KIAA1549L: variants seen among roughly 807,000 people sequenced by gnomAD.
KIAA1549L encodes the protein UPF0606 protein KIAA1549L.
KIAA1549L carries 88 observed loss-of-function variants against 160.7 expected under a neutral mutation model. The observed-to-expected ratio is 0.55, with a 90% confidence interval of 0.46 to 0.65. The LOEUF (loss-of-function observed/expected upper bound fraction) is 0.65. Among genes scored for constraint, KIAA1549L ranks in the 30% least tolerant of loss-of-function variants. KIAA1549L has a pLI of 0.00. For synonymous variants in KIAA1549L, 950 were observed against 976.7 expected, an observed-to-expected ratio of 0.97 and a Z score of 0.51; for missense variants, 2,258 against 2,437.5, an observed-to-expected ratio of 0.93 and a Z score of 1.55.
intron 1 of KIAA1549L, among the ~76,000 whole-genome samples, chr11:33,495,006 C>T (rs1384846015): frequency 6.6e-6 from 1 of 152,176 alleles, no homozygotes; most frequent in African/African-American, 2.4e-5. Flanking sequence ...ACAAGATTCA[C>T]ACACGTCTAG....
intron 16 of KIAA1549L, among the ~76,000 whole-genome samples, chr11:33,635,790 T>C (rs1355326143): frequency 1.3e-5 from 2 of 152,232 alleles, no homozygotes; most frequent in Non-Finnish European, 2.9e-5. Flanking sequence ...AACACTCATT[T>C]ATTCAGTGAG....
At chr11:33,554,428 A>G (rs770712110) in intron 6 of KIAA1549L, among the ~76,000 whole-genome samples, 1 of 152,236 alleles carries the variant, frequency 6.6e-6, no homozygotes, top group Admixed American at 6.5e-5. Flanking sequence ...TGATTGGCTC[A>G]TGTAACTGAA....
intron 11 of KIAA1549L, among the ~76,000 whole-genome samples, chr11:33,586,176 C>T (rs1475336962): frequency 1.3e-5 from 2 of 152,228 alleles, no homozygotes; most frequent in Non-Finnish European, 2.9e-5. Context: ...CACCGCCAAG[C>T]CTTAGACTAG....
intron 13 of KIAA1549L, among the ~76,000 whole-genome samples, chr11:33,601,268 T>G (rs1466140683): frequency 6.6e-6 from 1 of 152,180 alleles, no homozygotes; most frequent in Non-Finnish European, 1.5e-5. Flanking sequence ...CCGTAAGGTT[T>G]TAGGTTTGAA....
At chr11:33,464,534 A>C (rs557103114) in intron 1 of KIAA1549L, among the ~76,000 whole-genome samples, 2,234 of 124,228 alleles carry the variant, frequency 0.018, 67 homozygotes, top group African/African-American at 0.059. Context: ...GCCCCCCCCC[A>C]CACACGCATT....
intron 1 of KIAA1549L, among the ~76,000 whole-genome samples, chr11:33,420,438 G>T (rs994389359): frequency 6.6e-6 from 1 of 151,950 alleles, no homozygotes; most frequent in Non-Finnish European, 1.5e-5. Flanking sequence ...TATTGTTCAG[G>T]CTGGTCTTGA....
Position 33,544,264 on chromosome 11 carries a change from A to T in KIAA1549L, c.2701A>T (p.Ile901Leu). ...LGYHSAAESS[I>L]STSVFPRTSS... ...ATATCACTCTGCTGCTGAATCTTCT[A>T]TATCGACCAGTGTCTTTCCCAGGAC... Residue 901 changes from isoleucine to leucine, a missense_variant, in exon 2 of 21, where the codon ATA becomes TTA. Transcript: ENST00000658780. The T allele has an allele frequency of 6.2e-7, 1 of 1,613,964 alleles. No homozygotes were observed. Among genetic ancestry groups the T allele is most frequent in the Non-Finnish European group, 8.5e-7 (1 of 1,179,878 alleles).
At chr11:33,631,507 C>G (rs1251035758) in intron 16 of KIAA1549L, among the ~76,000 whole-genome samples, 1 of 152,168 alleles carries the variant, frequency 6.6e-6, no homozygotes, top group Non-Finnish European at 1.5e-5. Flanking sequence ...GGGTTTTTAG[C>G]AGCATCCGTG....
Position 33,551,235 on chromosome 11 carries a change from G to C in KIAA1549L, c.3697G>C (p.Ala1233Pro). ...TGCCTCCCCATGGAATCCCCAGCCT[G>C]CAGGCTACTTCCAGCTAAAAACAGG... ...VLASPWNPQP[A>P]GYFQLKTVLQ... The change falls in exon 5 of 21, where the codon GCA becomes CCA. Residue 1233 changes from alanine (A) to proline (P), a missense_variant. Physicochemically the swap from Ala to Pro is conservative, Grantham distance 27. Coordinates refer to ENST00000658780, the MANE Select transcript of KIAA1549L (RefSeq NM_012194.3). 1 of 1,613,342 alleles carries C rather than the reference G, an allele frequency of 6.2e-7. No homozygotes were observed. Among genetic ancestry groups the C allele is most frequent in the Non-Finnish European group, 8.5e-7 (1 of 1,179,830 alleles).
At chr11:33,627,508 T>A (rs1851151284) in intron 16 of KIAA1549L, among the ~76,000 whole-genome samples, 1 of 152,106 alleles carries the variant, frequency 6.6e-6, no homozygotes, top group Non-Finnish European at 1.5e-5. Context: ...GTCGAGGAAT[T>A]TATCCATTTC....
At chr11:33,547,468 G>A (rs943076044) in intron 3 of KIAA1549L, among the ~76,000 whole-genome samples, 8 of 152,158 alleles carry the variant, frequency 5.3e-5, no homozygotes, top group Non-Finnish European at 1.0e-4. Flanking sequence ...GAATCTCATC[G>A]CATGCACTGT....
chr11:33,444,265 A>G (rs910354528), intron 1 of KIAA1549L, among the ~76,000 whole-genome samples: 1 of 152,240 alleles, frequency 6.6e-6, no homozygotes, highest in Non-Finnish European at 1.5e-5. Flanking sequence ...AAACAATCCA[A>G]TTGAACATCC....
In KIAA1549L at chr11:33,551,184, C is replaced by T. The variant is rs756609051; in HGVS notation, c.3646C>T (p.Pro1216Ser). The stretch of plus-strand genomic sequence containing the variant: ...CACTGCAGACCTGAAGCAACACACC[C>T]CACACTTACAGTCTGTGGCAGTACT... ...NVTADLKQHT[P>S]HLQSVAVLAS... The change falls in exon 5 of 21, where the codon CCA becomes TCA. Residue 1216 changes from proline to serine, a missense_variant. Pro to Ser is a moderately conservative substitution (Grantham distance 74). This residue lies in a region of KIAA1549L where 1,359 missense variants were observed against 1,546.6 expected (regional missense o/e 0.88). Coordinates refer to ENST00000658780, the MANE Select transcript of KIAA1549L (RefSeq NM_012194.3). 5 of 1,613,840 alleles carry T rather than the reference C, an allele frequency of 3.1e-6. No individual in the cohort carries two copies. The highest frequency in any genetic ancestry group is 4.2e-6 in the Non-Finnish European group (5 of 1,179,884).
At chr11:33,473,030 A>G (rs766853573) in intron 1 of KIAA1549L, among the ~76,000 whole-genome samples, 3 of 152,162 alleles carry the variant, frequency 2.0e-5, no homozygotes, top group Non-Finnish European at 4.4e-5. Context: ...CAGGGTCTCA[A>G]ATAGGGTCAC....
intron 1 of KIAA1549L, among the ~76,000 whole-genome samples, chr11:33,538,702 A>G (rs1414122978): frequency 1.3e-5 from 2 of 152,248 alleles, no homozygotes; most frequent in Non-Finnish European, 2.9e-5. Context: ...GCTAAGAGGC[A>G]CATGAGTGTT....
chr11:33,552,316 G>A, intron 6 of KIAA1549L, 75 bp downstream of exon 6: 1 of 1,494,042 alleles, frequency 6.7e-7, no homozygotes. Flanking sequence ...AATGACTTGG[G>A]TCTTCCCTTT....
At chr11:33,464,474 A>ATG (rs3038997) in intron 1 of KIAA1549L, among the ~76,000 whole-genome samples, 21,046 of 139,994 alleles carry the variant, frequency 0.15, 1,493 homozygotes, top group Middle Eastern at 0.17. Context: ...CTGTGTGTGC[A>ATG]TGTGTGTGTG....
intron 16 of KIAA1549L, among the ~76,000 whole-genome samples, chr11:33,642,217 G>A (rs999164088): frequency 2.0e-5 from 3 of 152,136 alleles, no homozygotes; most frequent in Non-Finnish European, 2.9e-5. Flanking sequence ...GAGGCTTAGG[G>A]GGTTCCTGCA....
chr11:33,407,950 A>G (rs918109806), intron 1 of KIAA1549L, among the ~76,000 whole-genome samples: 9 of 152,128 alleles, frequency 5.9e-5, no homozygotes, highest in Non-Finnish European at 4.4e-5. Context: ...CCTACTGGGA[A>G]TGACCCGTTC....
Sources: allele counts gnomAD v4.1 joint callset (sites outside exome capture counted in the v4.1 genomes callset), GRCh38; gene constraint gnomAD v4.1.1; regional missense constraint gnomAD v4.1.1; transcripts MANE v1.5; gene names NCBI Gene and HGNC (gene_info 2026-07-23, HGNC 2026-07-21).